LCOR: variants seen among roughly 807,000 people sequenced by gnomAD.
LCOR encodes ligand dependent nuclear receptor corepressor.
In LCOR, 14 loss-of-function variants were observed where a neutral mutation model predicts 64.4. That is an observed-to-expected ratio of 0.22 (90% CI 0.14 to 0.34). LCOR has a LOEUF of 0.34. LCOR is among the 10% of genes least tolerant of loss of function. LCOR has a pLI of 1.00. For missense variants in LCOR, 1,686 were observed against 1,765.3 expected (o/e 0.96, Z 0.80); for synonymous variants, 643 against 642.5 (o/e 1.00, Z -0.01).
rs543119962 is a variant in LCOR at position 96,875,570 on chromosome 10, A to G, written c.-329-31695A>G. ...CTGCCTTCTTCAAACCACGTGTTTG[A>G]AAACACATGGGCCAGGTTTGGTGGC... On this transcript the variant is annotated intron_variant, in intron 2 of 7. Transcript: ENST00000421806. 2.6e-5 allele frequency among the ~76,000 whole-genome samples: 4 copies of G among 152,216 alleles called. No individual in the cohort carries two copies. In the South Asian group the frequency reaches 6.2e-4, roughly 24 times the overall value.
At chr10:96,882,298 A>G (rs1846276492) in intron 2 of LCOR, among the ~76,000 whole-genome samples, 1 of 152,224 alleles carries the variant, frequency 6.6e-6, no homozygotes. Flanking sequence ...TGGTTGAAGT[A>G]TGTCACGAAA....
chr10:96,965,027 G>A (rs1847934018), intron 7 of LCOR, among the ~76,000 whole-genome samples: 1 of 148,498 alleles, frequency 6.7e-6, no homozygotes, highest in African/African-American at 2.5e-5. Context: ...TTTTTTTTTT[G>A]AGATGGAGTC....
At chr10:96,865,022 AT>A (rs760272431) in intron 2 of LCOR, among the ~76,000 whole-genome samples, 126 of 152,192 alleles carry the variant, frequency 8.3e-4, no homozygotes, top group Admixed American at 1.5e-3. Context: ...AGAAAATTTA[AT>A]TTGAGAGACG....
At position 96,979,577 on chromosome 10, in the gene LCOR, G is replaced by A. The variant is rs114036398; in HGVS notation, c.333-1216G>A. Among the ~76,000 whole-genome samples, 500 of 152,330 alleles carry A rather than the reference G, an allele frequency of 3.3e-3. 3 individuals are homozygous for A. Among genetic ancestry groups the A allele is most frequent in the African/African-American group, 0.012 (481 of 41,570 alleles). On this transcript the variant is annotated intron_variant, in intron 7 of 7. Coordinates refer to ENST00000421806, the MANE Select transcript of LCOR (RefSeq NM_001346516.2). ...ATAGAATGATTTCTTGTGGTTGATT[G>A]TAAAAGGTGTATTGAAGATCTCGGA...
At chr10:96,914,865 T>TG (rs149175253) in intron 4 of LCOR, among the ~76,000 whole-genome samples, 7,361 of 152,276 alleles carry the variant, frequency 0.048, 598 homozygotes, top group African/African-American at 0.17. Context: ...GCCATCTCAG[T>TG]GCATCACTGG....
At chr10:96,909,186 C>G (rs1329012017) in intron 4 of LCOR, among the ~76,000 whole-genome samples, 1 of 152,164 alleles carries the variant, frequency 6.6e-6, no homozygotes, top group East Asian at 1.9e-4. Context: ...AACCCTCACC[C>G]CTCAAATGGT....
intron 4 of LCOR, among the ~76,000 whole-genome samples, chr10:96,922,962 ACAGT>A (rs1312098815): frequency 6.6e-6 from 1 of 152,370 alleles, no homozygotes; most frequent in Admixed American, 6.5e-5. Flanking sequence ...AGTCTGCTTA[ACAGT>A]CAGTGGTAAC....
At chr10:96,832,882 C>A (rs1022179028) in intron 1 of LCOR, 32 of 635,676 alleles carry the variant, frequency 5.0e-5, no homozygotes, top group East Asian at 1.4e-4. Context: ...ACCCCTCCCC[C>A]ACGCGCGGGG....
chr10:96,901,250 C>T (rs1314950067), intron 2 of LCOR, among the ~76,000 whole-genome samples: 1 of 152,128 alleles, frequency 6.6e-6, no homozygotes, highest in African/African-American at 2.4e-5. Flanking sequence ...AACCCCTGGA[C>T]TCAAGCAGTC....
chr10:96,948,970 T>C (rs1847631320), intron 5 of LCOR, 38 bp from the exon 6 acceptor site: 1 of 1,465,184 alleles, frequency 6.8e-7, no homozygotes. Context: ...TTTTAGTACA[T>C]TGTCCCACTT....
At chr10:96,927,989 G>A (rs373809935) in intron 4 of LCOR, among the ~76,000 whole-genome samples, 2 of 152,284 alleles carry the variant, frequency 1.3e-5, no homozygotes, top group East Asian at 3.9e-4. Flanking sequence ...ATGCTTTGTT[G>A]TTGAAAATTG....
chr10:96,920,751 T>TGTATGTACAC (rs1847061861), intron 4 of LCOR, among the ~76,000 whole-genome samples: 1 of 118,884 alleles, frequency 8.4e-6, no homozygotes, highest in African/African-American at 3.9e-5. Flanking sequence ...TATATATGTA[T>TGTATGTACAC]ACACACACAC....
Position 96,863,769 on chromosome 10 carries a change from T to C in LCOR, c.-330+30290T>C, listed in dbSNP as rs1363013992. Among the ~76,000 whole-genome samples, 3 of 152,250 alleles carry C rather than the reference T, an allele frequency of 2.0e-5. No homozygotes were observed. In the East Asian group the frequency reaches 5.8e-4, roughly 29 times the overall value. On this transcript the variant is annotated intron_variant, in intron 2 of 7. Coordinates refer to ENST00000421806, the MANE Select transcript of LCOR (RefSeq NM_001346516.2). Reference sequence around the variant, plus strand: ...TATTTACCTTAGGCGTTTGCTAAAATACTTTTTCTCTAGTAAGTTTAAGTT... The same window carrying C: ...TATTTACCTTAGGCGTTTGCTAAAACACTTTTTCTCTAGTAAGTTTAAGTT...
chr10:96,929,201 G>T (rs1324497491), intron 4 of LCOR, among the ~76,000 whole-genome samples: 1 of 152,212 alleles, frequency 6.6e-6, no homozygotes, highest in Non-Finnish European at 1.5e-5. Context: ...GCCAGGCATT[G>T]ACTTGTCCTC....
intron 4 of LCOR, among the ~76,000 whole-genome samples, chr10:96,925,685 A>G (rs1426793432): frequency 2.0e-5 from 3 of 152,100 alleles, no homozygotes; most frequent in African/African-American, 7.2e-5. Flanking sequence ...CTCCACTGAA[A>G]TATTACTATT....
intron 4 of LCOR, among the ~76,000 whole-genome samples, chr10:96,932,811 C>A (rs1480042930): frequency 6.6e-6 from 1 of 152,154 alleles, no homozygotes; most frequent in African/African-American, 2.4e-5. Flanking sequence ...AGTGTTGCAC[C>A]ATAGTACCCC....
chr10:96,962,577 G>A (rs947531064), intron 7 of LCOR: 10 of 152,048 alleles, frequency 6.6e-5, no homozygotes, highest in Admixed American at 4.6e-4. Context: ...CAAAGTGTTT[G>A]ATTAAAAGTC....
chr10:96,861,777 C>T (rs1845891961), intron 2 of LCOR, among the ~76,000 whole-genome samples: 2 of 152,178 alleles, frequency 1.3e-5, no homozygotes, highest in South Asian at 4.1e-4. Context: ...AGTGATCTGC[C>T]TACTTTGGCC....
In LCOR at chr10:96,949,014, C is replaced by T. The variant is rs564238714; in HGVS notation, c.-44C>T. 1.1e-5 allele frequency: 17 copies of T among 1,607,376 alleles called. No individual in the cohort carries two copies. The highest frequency in any genetic ancestry group is 1.4e-5 in the Non-Finnish European group (16 of 1,175,768). ...AATAAATCTTTATTTACAGACAGTC[C>T]CTGGGTCTCCGACCCCAATATTCCC... On this transcript the variant is annotated 5_prime_UTR_variant, in exon 6 of 8. Coordinates refer to ENST00000421806, the MANE Select transcript of LCOR (RefSeq NM_001346516.2).
Sources: gnomAD v4.1 joint callset for allele counts (sites outside exome capture counted in the v4.1 genomes callset) on GRCh38, gnomAD v4.1.1 for gene constraint, MANE v1.5 for transcripts, NCBI Gene and HGNC (gene_info 2026-07-23, HGNC 2026-07-21) for gene names.